COBL: variants seen among roughly 807,000 people sequenced by gnomAD.
The protein encoded by COBL is protein cordon-bleu.
COBL carries 51 observed loss-of-function variants against 98.8 expected under a neutral mutation model. That is an observed-to-expected ratio of 0.52 (90% CI 0.41 to 0.65). The LOEUF is 0.65. COBL is among the 30% of genes least tolerant of loss of function. COBL has a pLI of 0.00. For synonymous variants in COBL, 634 were observed against 651.7 expected, an observed-to-expected ratio of 0.97 and a Z score of 0.41; for missense variants, 1,617 against 1,617.5, an observed-to-expected ratio of 1.00 and a Z score of 0.01.
intron 7 of COBL, among the ~76,000 whole-genome samples, chr7:51,056,838 C>CAA (rs1456633509): frequency 3.1e-4 from 47 of 151,744 alleles, no homozygotes; most frequent in Non-Finnish European, 6.3e-4. Flanking sequence ...CACACACACA[C>CAA]ACACACACAC....
chr7:51,259,567 T>TC (rs1797534715), intron 1 of COBL: 1 of 730,838 alleles, frequency 1.4e-6, no homozygotes, highest in Non-Finnish European at 2.5e-6. Flanking sequence ...AACCATGAGA[T>TC]CTCCTGGAAA....
rs1049965062 is a variant in COBL at position 51,201,606 on chromosome 7, T to C, written c.246-8017A>G. Among the ~76,000 whole-genome samples, 9 of 152,200 alleles carry C rather than the reference T, an allele frequency of 5.9e-5. No individual in the cohort carries two copies. In the East Asian group the frequency reaches 1.2e-3, roughly 20 times the overall value. ...TAAACAGAATAACTGAAAAACACTA[T>C]AGACCACATTGACCTAATATATATA... On this transcript the variant is annotated intron_variant, in intron 2 of 12. Coordinates refer to ENST00000265136, the MANE Select transcript of COBL (RefSeq NM_015198.5).
chr7:51,107,616 T>C (rs1332041496), intron 6 of COBL, among the ~76,000 whole-genome samples: 2 of 152,248 alleles, frequency 1.3e-5, no homozygotes, highest in Non-Finnish European at 2.9e-5. Context: ...ATACTGCTTC[T>C]TTTAAAATTG....
intron 1 of COBL, among the ~76,000 whole-genome samples, chr7:51,285,454 C>A (rs1800268482): frequency 6.7e-6 from 1 of 149,920 alleles, no homozygotes; most frequent in Non-Finnish European, 1.5e-5. Context: ...AAAGTCAACA[C>A]ACAAAAATCA....
chr7:51,268,992 G>A (rs941211619), intron 1 of COBL, among the ~76,000 whole-genome samples: 3 of 151,348 alleles, frequency 2.0e-5, no homozygotes, highest in Admixed American at 6.6e-5. Context: ...AGCTGGAGCA[G>A]TTGTGCCAGC....
At chr7:51,095,780 T>C (rs142453871) in intron 6 of COBL, among the ~76,000 whole-genome samples, 1 of 152,154 alleles carries the variant, frequency 6.6e-6, no homozygotes, top group African/African-American at 2.4e-5. Context: ...TCAAAAACTG[T>C]CATAAAACAA....
chr7:51,219,804 C>T lies in COBL; in HGVS notation c.182G>A (p.Ser61Asn). The part of the protein sequence containing the change: ...LVRMKEALRA[S>N]TMDVTVVLPS... ...CAGGACCACGGTGACGTCCATGGTG[C>T]TGGCCCTCAGCGCCTCCTTCATGCG... Residue 61 changes from serine (S) to asparagine (N), a missense_variant, in exon 2 of 13, where the codon AGC (serine) becomes AAC (asparagine). Transcript: ENST00000265136. The T allele has an allele frequency of 6.2e-7, 1 of 1,614,156 alleles. No individual in the cohort carries two copies. Among genetic ancestry groups the T allele is most frequent in the Non-Finnish European group, 8.5e-7 (1 of 1,180,046 alleles).
At chr7:51,097,948 C>T (rs377276924) in intron 6 of COBL, among the ~76,000 whole-genome samples, 5 of 150,568 alleles carry the variant, frequency 3.3e-5, no homozygotes, top group South Asian at 4.2e-4. Context: ...GGCATGAACC[C>T]GGCAGGCGGA....
chr7:51,248,194 A>G (rs1796424896), intron 1 of COBL, among the ~76,000 whole-genome samples: 1 of 152,216 alleles, frequency 6.6e-6, no homozygotes, highest in Non-Finnish European at 1.5e-5. Context: ...ATAAGAGTTT[A>G]ATATAAAGAA....
At chr7:51,140,742 C>T (rs1214578377) in intron 5 of COBL, among the ~76,000 whole-genome samples, 1 of 152,322 alleles carries the variant, frequency 6.6e-6, no homozygotes, top group Non-Finnish European at 1.5e-5. Context: ...CCCATAGAAC[C>T]TGATAGGGCA....
intron 1 of COBL, among the ~76,000 whole-genome samples, chr7:51,255,860 G>A (rs911880348): frequency 5.3e-5 from 8 of 152,110 alleles, no homozygotes; most frequent in South Asian, 2.1e-4. Flanking sequence ...TCAGCTGACC[G>A]ATGAGACTCC....
chr7:51,043,798 C>G (rs1789433630), intron 7 of COBL, 106 bp from the exon 8 acceptor site: 2 of 921,394 alleles, frequency 2.2e-6, no homozygotes, highest in Non-Finnish European at 3.2e-6. Flanking sequence ...ATTTGGGATT[C>G]AGGGTGCTCA....
rs1369428404 is a variant in COBL, at chr7:51,016,992, G to T, written c.*559C>A. The T allele has an allele frequency of 9.9e-6, 4 of 403,882 alleles. No homozygotes were observed. Among genetic ancestry groups the T allele is most frequent in the African/African-American group, 2.1e-5 (1 of 48,768 alleles). 25.0% of individuals were successfully genotyped at this position (403,882 alleles called of 1,614,324 possible). A position where few individuals can be genotyped will look rare whatever the true frequency, so the allele number is the denominator to read the frequency against. ...TTAGCCCCAAATATTTGAGGAAGAA[G>T]AATCCAGCAGTTTTACTACCTAACA... On this transcript the variant is annotated 3_prime_UTR_variant, in exon 13 of 13. Coordinates refer to ENST00000265136, the MANE Select transcript of COBL (RefSeq NM_015198.5).
At chr7:51,216,644 T>A (rs1793080863) in intron 2 of COBL, among the ~76,000 whole-genome samples, 1 of 152,170 alleles carries the variant, frequency 6.6e-6, no homozygotes, top group South Asian at 2.1e-4. Flanking sequence ...CTTCAACTTT[T>A]ATTTATGTTT....
At chr7:51,187,733 G>A (rs900972081) in intron 4 of COBL, among the ~76,000 whole-genome samples, 3 of 152,112 alleles carry the variant, frequency 2.0e-5, no homozygotes, top group Non-Finnish European at 4.4e-5. Context: ...AACCAACCAG[G>A]GAATCAAGAA....
chr7:51,239,538 C>A (rs1435102972), intron 1 of COBL, among the ~76,000 whole-genome samples: 3 of 152,314 alleles, frequency 2.0e-5, no homozygotes, highest in Middle Eastern at 3.4e-3. Context: ...AAATGGCCAA[C>A]CAGGACTCGC....
At chr7:51,276,587 C>A (rs1308102036) in intron 1 of COBL, among the ~76,000 whole-genome samples, 3 of 152,182 alleles carry the variant, frequency 2.0e-5, no homozygotes, top group Non-Finnish European at 2.9e-5. Context: ...CACCTCCAAC[C>A]CGCCAGGGAC....
chr7:51,058,122 TAGA>T (rs1790950927), intron 7 of COBL, among the ~76,000 whole-genome samples: 1 of 152,202 alleles, frequency 6.6e-6, no homozygotes. Context: ...CTTTTTTTTT[TAGA>T]AGCTTTTTGG....
At chr7:51,184,471 A>G (rs1789294731) in intron 4 of COBL, among the ~76,000 whole-genome samples, 1 of 152,246 alleles carries the variant, frequency 6.6e-6, no homozygotes, top group Non-Finnish European at 1.5e-5. Context: ...GAATGACAAA[A>G]TAAATAAAGT....
Sources: allele counts gnomAD v4.1 joint callset (sites outside exome capture counted in the v4.1 genomes callset), GRCh38; gene constraint gnomAD v4.1.1; transcripts MANE v1.5; gene names NCBI Gene and HGNC (gene_info 2026-07-23, HGNC 2026-07-21).